Variants in DNAJC6 observed in about 807,000 individuals in gnomAD.
The protein encoded by DNAJC6 is DnaJ heat shock protein family (Hsp40) member C6, also known as auxilin.
In DNAJC6, 34 loss-of-function variants were observed where a neutral mutation model predicts 110.0. The ratio of observed to expected loss-of-function variants is 0.31; its 90% confidence interval spans 0.24 to 0.41. The LOEUF is 0.41. Ranked by LOEUF, DNAJC6 falls within the 10% of genes least tolerant of loss-of-function variation. The pLI is 1.00. For synonymous variants in DNAJC6, 406 were observed against 437.2 expected, an observed-to-expected ratio of 0.93 and a Z score of 0.89; for missense variants, 1,031 against 1,207.8, an observed-to-expected ratio of 0.85 and a Z score of 2.17.
At chr1:65,322,875 GA>G (rs1328035975) in intron 1 of DNAJC6, among the ~76,000 whole-genome samples, 2 of 152,122 alleles carry the variant, frequency 1.3e-5, no homozygotes, top group African/African-American at 4.8e-5. Flanking sequence ...TTTGTTTTCA[GA>G]AATTAATTTG....
At chr1:65,276,833 TG>T (rs1300702501) in intron 1 of DNAJC6, among the ~76,000 whole-genome samples, 2 of 152,210 alleles carry the variant, frequency 1.3e-5, no homozygotes, top group Admixed American at 1.3e-4. Context: ...CCCTTGAAAC[TG>T]TCTAAAATTC....
intron 1 of DNAJC6, among the ~76,000 whole-genome samples, chr1:65,330,453 C>CT (rs1339903587): frequency 6.6e-6 from 1 of 151,960 alleles, no homozygotes; most frequent in Non-Finnish European, 1.5e-5. Flanking sequence ...AGATGAAAGT[C>CT]TATTTCTTTT....
At chr1:65,341,191 C>T (rs1441005487) in intron 1 of DNAJC6, among the ~76,000 whole-genome samples, 1 of 152,154 alleles carries the variant, frequency 6.6e-6, no homozygotes, top group Non-Finnish European at 1.5e-5. Flanking sequence ...ATGTGAAGAC[C>T]GATACCAGAC....
At chr1:65,324,668 T>TAA (rs1645226229) in intron 1 of DNAJC6, among the ~76,000 whole-genome samples, 1 of 152,190 alleles carries the variant, frequency 6.6e-6, no homozygotes, top group African/African-American at 2.4e-5. Context: ...CTCTTTTTCT[T>TAA]GTTTTCCCAG....
upstream of DNAJC6, among the ~76,000 whole-genome samples, chr1:65,307,006 C>CTA (rs1164753556): frequency 3.0e-4 from 30 of 98,776 alleles, no homozygotes; most frequent in African/African-American, 1.1e-3. Context: ...CTCTCTCTCT[C>CTA]TCTCTCTCTC....
chr1:65,399,038 C>T (rs532732533), intron 14 of DNAJC6, among the ~76,000 whole-genome samples, 157 bp downstream of exon 14: 1 of 152,304 alleles, frequency 6.6e-6, no homozygotes. Flanking sequence ...TTTCCCAATG[C>T]ACTTGATGAC....
chr1:65,391,766 A>G (rs1483268846), intron 11 of DNAJC6, among the ~76,000 whole-genome samples: 4 of 152,152 alleles, frequency 2.6e-5, no homozygotes, highest in Non-Finnish European at 5.9e-5. Flanking sequence ...TTCTCACAGT[A>G]GCCTGTGAGT....
intron 1 of DNAJC6, among the ~76,000 whole-genome samples, chr1:65,273,034 C>G (rs1305306600): frequency 1.3e-5 from 2 of 151,924 alleles, no homozygotes; most frequent in South Asian, 2.1e-4. Flanking sequence ...AGTGGCATTT[C>G]TATTTATTGT....
intron 1 of DNAJC6, among the ~76,000 whole-genome samples, chr1:65,296,949 G>A (rs1644935095): frequency 6.6e-6 from 1 of 152,110 alleles, no homozygotes; most frequent in Non-Finnish European, 1.5e-5. Context: ...TACCAAATAT[G>A]GTTCTGCTAT....
chr1:65,308,060 G>A (rs1425773364), upstream of DNAJC6, among the ~76,000 whole-genome samples: 1 of 152,172 alleles, frequency 6.6e-6, no homozygotes, highest in Non-Finnish European at 1.5e-5. Flanking sequence ...TCCTTGTACA[G>A]GAAAATGTCT....
intron 1 of DNAJC6, among the ~76,000 whole-genome samples, chr1:65,354,556 A>G (rs1407971164): frequency 1.3e-5 from 2 of 152,272 alleles, no homozygotes; most frequent in East Asian, 1.9e-4. Context: ...TCCTATGTTT[A>G]TATTCTTGGA....
At chr1:65,276,475 C>A (rs1484481069) in intron 1 of DNAJC6, among the ~76,000 whole-genome samples, 2 of 152,140 alleles carry the variant, frequency 1.3e-5, no homozygotes, top group African/African-American at 4.8e-5. Context: ...CAATCAGGCA[C>A]TCAGTCTAAT....
chr1:65,266,839 A>T (rs1395126927), intron 1 of DNAJC6, among the ~76,000 whole-genome samples: 1 of 151,984 alleles, frequency 6.6e-6, no homozygotes, highest in African/African-American at 2.4e-5. Flanking sequence ...TTCTCAGTGT[A>T]TCAGTGTGTT....
chr1:65,342,606 A>G (rs1031247944), intron 1 of DNAJC6, among the ~76,000 whole-genome samples: 1 of 152,196 alleles, frequency 6.6e-6, no homozygotes, highest in Admixed American at 6.5e-5. Context: ...ATGGTCTAAG[A>G]CAAGTTCTCA....
chr1:65,328,396 T>G (rs540685351), intron 1 of DNAJC6, among the ~76,000 whole-genome samples: 55 of 152,374 alleles, frequency 3.6e-4, no homozygotes, highest in African/African-American at 1.1e-3. Context: ...TACAGAGAGA[T>G]AGCTGTAAAC....
At position 65,389,461 on chromosome 1, in the gene DNAJC6, C is replaced by T. The variant is rs775839311; in HGVS notation, c.1387+12C>T. ...GCTGGCCTTAGGAGGTATGAGTCAC[C>T]TGATGGTTTTGTTTTTCAGGATGAA... On this transcript the variant is annotated intron_variant, in intron 10 of 18. Coordinates refer to ENST00000371069, the MANE Select transcript of DNAJC6 (RefSeq NM_001256864.2). 2.5e-6 allele frequency: 4 copies of T among 1,613,702 alleles called. No homozygotes were observed. The South Asian group carries it at 4.4e-5, about 18-fold the overall frequency.
intron 4 of DNAJC6, among the ~76,000 whole-genome samples, chr1:65,368,585 CTCT>C (rs71895115): frequency 0.26 from 37,585 of 144,910 alleles, 7,593 homozygotes; most frequent in East Asian, 0.58. Context: ...CTTCTTCCTC[CTCT>C]TCTTCTTCTT....
chr1:65,403,736 G>A (rs552209336), intron 15 of DNAJC6, among the ~76,000 whole-genome samples: 1 of 152,172 alleles, frequency 6.6e-6, no homozygotes, highest in Non-Finnish European at 1.5e-5. Flanking sequence ...TTGTATTTCT[G>A]TAAGTTCTCT....
intron 1 of DNAJC6, among the ~76,000 whole-genome samples, chr1:65,282,037 C>T (rs915262521): frequency 1.3e-5 from 2 of 152,120 alleles, no homozygotes; most frequent in Non-Finnish European, 2.9e-5. Flanking sequence ...AGCTGTCCTT[C>T]TGCTCAGCCA....
Sources: gnomAD v4.1 joint callset for allele counts (sites outside exome capture counted in the v4.1 genomes callset) on GRCh38, gnomAD v4.1.1 for gene constraint, MANE v1.5 for transcripts, NCBI Gene and HGNC (gene_info 2026-07-23, HGNC 2026-07-21) for gene names.